The following LRP12 variants were observed in gnomAD, a reference collection of about 807,000 sequenced individuals.
LRP12 encodes LDL receptor related protein 12.
A neutral mutation model predicts 66.0 loss-of-function variants in LRP12; 14 were observed. The observed-to-expected ratio is 0.21, with a 90% confidence interval of 0.14 to 0.33. The LOEUF (loss-of-function observed/expected upper bound fraction) is 0.33. Ranked by LOEUF, LRP12 falls within the 10% of genes least tolerant of loss-of-function variation. The pLI, the probability that LRP12 is intolerant of heterozygous loss-of-function variation, is 1.00. For missense variants in LRP12, 889 were observed against 1,053.4 expected (o/e 0.84, Z 2.16); for synonymous variants, 357 against 359.1 (o/e 0.99, Z 0.07).
Position 104,587,038 on chromosome 8 carries a change from G to A in LRP12, c.79+1781C>T, listed in dbSNP as rs76217964. ...GGCACCTACCAGAAAGTCACTTTGT[G>A]TACAAGTACTAAAGAATGCACCAAA... is the stretch of plus-strand genomic sequence containing the variant. On this transcript the variant is annotated intron_variant, in intron 1 of 6. Coordinates refer to ENST00000276654, the MANE Select transcript of LRP12 (RefSeq NM_013437.5). 2.7e-3 allele frequency among the ~76,000 whole-genome samples: 409 copies of A among 152,260 alleles called. 4 individuals carry two copies. Among genetic ancestry groups the A allele is most frequent in the East Asian group, 0.018 (91 of 5,170 alleles).
At chr8:104,553,681 C>T (rs972072312) in intron 1 of LRP12, among the ~76,000 whole-genome samples, 2 of 152,150 alleles carry the variant, frequency 1.3e-5, no homozygotes, top group African/African-American at 4.8e-5. Context: ...AAACAAAGGA[C>T]ATAATCTCTT....
At chr8:104,520,920 A>G (rs1175088079) in intron 2 of LRP12, among the ~76,000 whole-genome samples, 1 of 152,054 alleles carries the variant, frequency 6.6e-6, no homozygotes, top group African/African-American at 2.4e-5. Context: ...TTTTACGTTC[A>G]CTAGGTTTGG....
intron 1 of LRP12, among the ~76,000 whole-genome samples, chr8:104,555,271 G>A (rs1337417978): frequency 6.6e-6 from 1 of 152,042 alleles, no homozygotes; most frequent in Non-Finnish European, 1.5e-5. Context: ...AACAAACAAG[G>A]TATTCAGGCA....
At chr8:104,547,672 T>C (rs1398931441) in intron 1 of LRP12, among the ~76,000 whole-genome samples, 1 of 115,084 alleles carries the variant, frequency 8.7e-6, no homozygotes, top group Non-Finnish European at 1.6e-5. Flanking sequence ...AATTCTATAT[T>C]ATATTTTGTA....
intron 1 of LRP12, among the ~76,000 whole-genome samples, chr8:104,575,538 C>T (rs1588510571): frequency 1.3e-5 from 2 of 152,240 alleles, no homozygotes; most frequent in South Asian, 4.1e-4. Flanking sequence ...CTAAAATCTT[C>T]CAGAAATGAA....
chr8:104,538,687 T>C (rs1424533541), intron 1 of LRP12, among the ~76,000 whole-genome samples: 2 of 152,124 alleles, frequency 1.3e-5, no homozygotes, highest in Admixed American at 6.6e-5. Flanking sequence ...AAACCTGAAT[T>C]TGATCAAGAC....
At chr8:104,520,689 A>AC (rs1035399005) in intron 2 of LRP12, among the ~76,000 whole-genome samples, 1 of 151,832 alleles carries the variant, frequency 6.6e-6, no homozygotes, top group African/African-American at 2.4e-5. Flanking sequence ...ATATCAAATC[A>AC]CCCCCTTACT....
At chr8:104,510,823 A>G (rs1343973337) in intron 2 of LRP12, among the ~76,000 whole-genome samples, 1 of 152,014 alleles carries the variant, frequency 6.6e-6, no homozygotes, top group Non-Finnish European at 1.5e-5. Context: ...CTCAAAAGGT[A>G]AGACTGTTGT....
At chr8:104,525,651 T>C (rs945802109) in intron 2 of LRP12, among the ~76,000 whole-genome samples, 3 of 152,178 alleles carry the variant, frequency 2.0e-5, no homozygotes, top group African/African-American at 7.2e-5. Context: ...TTAATGTTCA[T>C]TATTTGCCAT....
intron 1 of LRP12, among the ~76,000 whole-genome samples, chr8:104,557,284 G>A (rs1014224164): frequency 3.3e-5 from 5 of 152,126 alleles, no homozygotes; most frequent in Admixed American, 1.3e-4. Context: ...GTCTTAGCCA[G>A]AGCAATCAGA....
At chr8:104,499,719 G>GA (rs1204525476) in intron 3 of LRP12, among the ~76,000 whole-genome samples, 200 bp from the exon 4 acceptor site, 1 of 152,048 alleles carries the variant, frequency 6.6e-6, no homozygotes, top group Non-Finnish European at 1.5e-5. Context: ...CCAGATTGTA[G>GA]AAAAATAATT....
In LRP12 at chr8:104,491,103, G is replaced by A. The variant is rs1191945772; in HGVS notation, c.2150C>T (p.Pro717Leu). 6.2e-7 allele frequency: 1 copy of A among 1,614,024 alleles called. No individual in the cohort carries two copies. Among genetic ancestry groups the A allele is most frequent in the Non-Finnish European group, 8.5e-7 (1 of 1,180,006 alleles). ...NGRDVTSVEPPSVSPARHQLT... is the reference protein window; with the variant it reads ...NGRDVTSVEPLSVSPARHQLT... ...CTGGTGACGTGCTGGACTCACACTT[G>A]GGGGTTCCACACTTGTCACATCCCT... The change falls in exon 7 of 7, where the codon CCA (proline) becomes CTA (leucine). Residue 717 changes from proline (P) to leucine (L), a missense_variant. Coordinates refer to ENST00000276654, the MANE Select transcript of LRP12 (RefSeq NM_013437.5).
In LRP12 at chr8:104,497,873, T is replaced by A; in HGVS notation, c.679A>T (p.Thr227Ser). Residue 227 changes from threonine (T) to serine (S), a missense_variant, in exon 5 of 7, where the codon ACC becomes TCC. Physicochemically the swap from Thr to Ser is moderately conservative, Grantham distance 58. Transcript: ENST00000276654. The surrounding 1 kb of genome is among the most constrained non-coding windows in gnomAD (Gnocchi z 4.3). ...TCGGGGAGGCAAGTGTAAACTTTGG[T>A]AAAACGGGATAAACACTGGAACTGG... is the stretch of plus-strand genomic sequence containing the variant. ...YNQFQCLSRF[T>S]KVYTCLPESL... 6.2e-7 allele frequency: 1 copy of A among 1,614,172 alleles called. No homozygotes were observed. Among genetic ancestry groups the A allele is most frequent in the Non-Finnish European group, 8.5e-7 (1 of 1,180,030 alleles).
chr8:104,588,762 G>A (rs546669749), intron 1 of LRP12, 57 bp downstream of exon 1: 6 of 1,536,712 alleles, frequency 3.9e-6, no homozygotes, highest in Non-Finnish European at 5.3e-6. Flanking sequence ...GAGGCCTCGG[G>A]GCCCGGGTCG....
intron 1 of LRP12, among the ~76,000 whole-genome samples, chr8:104,548,690 C>T (rs1437778558): frequency 3.4e-5 from 3 of 88,548 alleles, no homozygotes; most frequent in Admixed American, 1.1e-4. Flanking sequence ...GTGGCTCACG[C>T]CTGTAATCCC....
chr8:104,549,465 C>T (rs1366398106), intron 1 of LRP12, among the ~76,000 whole-genome samples: 4 of 136,890 alleles, frequency 2.9e-5, no homozygotes, highest in Non-Finnish European at 3.0e-5. Context: ...TGTAGTGGTA[C>T]GATCTCGGCT....
At chr8:104,503,654 G>C (rs562584980) in intron 3 of LRP12, among the ~76,000 whole-genome samples, 1 of 152,108 alleles carries the variant, frequency 6.6e-6, no homozygotes, top group East Asian at 1.9e-4. Flanking sequence ...TTGATCTTAT[G>C]TTGATAGTAA....
At chr8:104,521,851 A>T (rs1811157458) in intron 2 of LRP12, among the ~76,000 whole-genome samples, 1 of 151,976 alleles carries the variant, frequency 6.6e-6, no homozygotes, top group Non-Finnish European at 1.5e-5. Flanking sequence ...TCTTCTCAGT[A>T]ACTTTAACAA....
intron 2 of LRP12, among the ~76,000 whole-genome samples, chr8:104,520,606 C>T (rs892037435): frequency 1.3e-5 from 2 of 151,968 alleles, no homozygotes; most frequent in Non-Finnish European, 2.9e-5. Flanking sequence ...TACCAGAGTA[C>T]GTTTGCATGA....
Sources: allele counts gnomAD v4.1 joint callset (sites outside exome capture counted in the v4.1 genomes callset), GRCh38; gene constraint gnomAD v4.1.1; non-coding constraint Gnocchi (gnomAD v3.1); transcripts MANE v1.5; gene names NCBI Gene and HGNC (gene_info 2026-07-23, HGNC 2026-07-21).